The following MACROD2 variants were observed in gnomAD, a reference collection of about 807,000 sequenced individuals.
MACROD2 encodes mono-ADP ribosylhydrolase 2.
In MACROD2, 36 loss-of-function variants were observed where a neutral mutation model predicts 70.4. The observed-to-expected ratio is 0.51, with a 90% confidence interval of 0.39 to 0.68. The LOEUF is 0.68. Among genes scored for constraint, MACROD2 ranks in the 30% least tolerant of loss-of-function variants. The pLI, the probability that MACROD2 is intolerant of heterozygous loss-of-function variation, is 0.00. For synonymous variants in MACROD2, 172 were observed against 178.8 expected (o/e 0.96, Z 0.30); for missense variants, 496 against 538.4 (o/e 0.92, Z 0.78).
intron 4 of MACROD2, among the ~76,000 whole-genome samples, chr20:14,613,775 C>T (rs1395554238): frequency 6.6e-6 from 1 of 152,000 alleles, no homozygotes; most frequent in African/African-American, 2.4e-5. Context: ...AAGAGCATTC[C>T]ATTTGTATTA....
intron 4 of MACROD2, chr20:14,494,148 CA>C (rs1197075578): frequency 6.6e-6 from 1 of 151,956 alleles, no homozygotes; most frequent in East Asian, 1.9e-4. Flanking sequence ...TGAAAGCTTT[CA>C]TAGTCCCAGT....
chr20:14,893,289 T>C (rs936267431), intron 5 of MACROD2: 1 of 152,198 alleles, frequency 6.6e-6, no homozygotes, highest in Non-Finnish European at 1.5e-5. Context: ...GAGACCCTGC[T>C]ATCAATTCTT....
chr20:14,325,304 CA>C (rs1405971499), intron 3 of MACROD2: 2 of 331,148 alleles, frequency 6.0e-6, no homozygotes, highest in East Asian at 1.1e-4. Flanking sequence ...AAGGAAAATA[CA>C]GTACAAATTA....
At chr20:15,664,173 T>C (rs1214848120) in intron 8 of MACROD2, among the ~76,000 whole-genome samples, 1 of 152,208 alleles carries the variant, frequency 6.6e-6, no homozygotes, top group Admixed American at 6.5e-5. Context: ...AACTTTCTAA[T>C]AAATGTGGCA....
At chr20:14,873,584 C>T (rs1363704684) in intron 5 of MACROD2, among the ~76,000 whole-genome samples, 2 of 152,112 alleles carry the variant, frequency 1.3e-5, no homozygotes, top group African/African-American at 2.4e-5. Flanking sequence ...TATTCAGGGC[C>T]GGGTGCAATG....
intron 8 of MACROD2, among the ~76,000 whole-genome samples, chr20:15,669,256 A>T (rs1046296789): frequency 1.3e-5 from 2 of 152,360 alleles, no homozygotes; most frequent in African/African-American, 2.4e-5. Flanking sequence ...TTGCTGCATT[A>T]TAATTTTATA....
At chr20:15,480,341 A>T (rs2047080162) in intron 7 of MACROD2, among the ~76,000 whole-genome samples, 1 of 152,114 alleles carries the variant, frequency 6.6e-6, no homozygotes, top group Admixed American at 6.6e-5. Context: ...GTGCCTCATA[A>T]CCATAGTCAC....
intron 8 of MACROD2, among the ~76,000 whole-genome samples, chr20:15,673,820 A>G (rs1051041830): frequency 6.6e-6 from 1 of 151,348 alleles, no homozygotes; most frequent in East Asian, 1.9e-4. Flanking sequence ...AGGAGCTTAT[A>G]GTCTATCGCA....
chr20:14,363,076 T>C (rs2083238320), intron 3 of MACROD2, among the ~76,000 whole-genome samples: 1 of 152,190 alleles, frequency 6.6e-6, no homozygotes, highest in South Asian at 2.1e-4. Context: ...TGAAGACTCA[T>C]ATCACTCAGC....
intron 7 of MACROD2, among the ~76,000 whole-genome samples, chr20:15,462,354 G>A (rs2046830923): frequency 1.3e-5 from 2 of 152,180 alleles, no homozygotes; most frequent in Admixed American, 6.5e-5. Context: ...GCTCTTGTCT[G>A]TAGAGACCAC....
At chr20:14,708,280 T>G (rs1274731119) in intron 5 of MACROD2, among the ~76,000 whole-genome samples, 1 of 152,208 alleles carries the variant, frequency 6.6e-6, no homozygotes, top group Admixed American at 6.5e-5. Flanking sequence ...AAGGGCCAGA[T>G]AGTAAATATG....
chr20:15,890,964 G>C (rs903487865), intron 10 of MACROD2, among the ~76,000 whole-genome samples: 19 of 152,270 alleles, frequency 1.2e-4, no homozygotes, highest in Non-Finnish European at 2.6e-4. Context: ...AGGGATACAA[G>C]AGGGATTAGG....
chr20:15,243,744 T>A (rs901028568), intron 6 of MACROD2, among the ~76,000 whole-genome samples: 16 of 150,384 alleles, frequency 1.1e-4, no homozygotes, highest in African/African-American at 3.9e-4. Flanking sequence ...TGAAACCCTG[T>A]CTCTACTAAA....
chr20:15,331,041 GA>G (rs1407871146), intron 6 of MACROD2, among the ~76,000 whole-genome samples: 1 of 151,418 alleles, frequency 6.6e-6, no homozygotes, highest in Non-Finnish European at 1.5e-5. Flanking sequence ...AGAAAATCGT[GA>G]CATCTTCTTA....
intron 5 of MACROD2, among the ~76,000 whole-genome samples, chr20:15,223,741 G>A (rs551211049): frequency 1.3e-5 from 2 of 152,200 alleles, no homozygotes; most frequent in East Asian, 3.9e-4. Flanking sequence ...CCAACTGTCT[G>A]GGGAGTCCTG....
chr20:14,237,432 C>T (rs1266663989), intron 3 of MACROD2, among the ~76,000 whole-genome samples: 1 of 151,910 alleles, frequency 6.6e-6, no homozygotes, highest in Admixed American at 6.6e-5. Flanking sequence ...TACCTCAAAT[C>T]AATTTCTCTT....
chr20:15,809,667 G>A (rs1023153278), intron 8 of MACROD2, among the ~76,000 whole-genome samples: 4 of 152,054 alleles, frequency 2.6e-5, no homozygotes, highest in African/African-American at 9.7e-5. Flanking sequence ...CTGCCCCTCT[G>A]ACCCAAACAC....
chr20:15,983,427 CA>C (rs2066430752), intron 13 of MACROD2, among the ~76,000 whole-genome samples: 1 of 152,200 alleles, frequency 6.6e-6, no homozygotes, highest in African/African-American at 2.4e-5. Flanking sequence ...TACCACCACA[CA>C]TCTGCTTGGG....
intron 4 of MACROD2, among the ~76,000 whole-genome samples, chr20:14,603,818 G>T (rs1406730834): frequency 6.6e-6 from 1 of 152,082 alleles, no homozygotes; most frequent in African/African-American, 2.4e-5. Context: ...ACTTAGTCTG[G>T]CAGTATTAGG....
Sources: allele counts gnomAD v4.1 joint callset (sites outside exome capture counted in the v4.1 genomes callset), GRCh38; gene constraint gnomAD v4.1.1; transcripts MANE v1.5; gene names NCBI Gene and HGNC (gene_info 2026-07-23, HGNC 2026-07-21).